Variants in ZNF385D observed in about 807,000 individuals in gnomAD.
ZNF385D encodes the protein zinc finger protein 659.
Under a neutral mutation model 35.8 loss-of-function variants are expected in ZNF385D, and 15 were observed. That is an observed-to-expected ratio of 0.42 (90% CI 0.28 to 0.64). The LOEUF (loss-of-function observed/expected upper bound fraction) is 0.64. Ranked by LOEUF, ZNF385D falls within the 30% of genes least tolerant of loss-of-function variation. ZNF385D has a pLI of 0.23. For missense variants in ZNF385D, 474 were observed against 494.6 expected (o/e 0.96, Z 0.39); for synonymous variants, 212 against 186.8 (o/e 1.13, Z -1.10).
chr3:22,110,634 G>C (rs999909179), intron 3 of ZNF385D, among the ~76,000 whole-genome samples: 1 of 151,662 alleles, frequency 6.6e-6, no homozygotes, highest in African/African-American at 2.4e-5. Flanking sequence ...TCCAGGGCCT[G>C]TTGTGGGGTG....
intron 1 of ZNF385D, among the ~76,000 whole-genome samples, chr3:21,697,931 TAAAAAGC>T (rs1348408443): frequency 6.6e-6 from 1 of 152,112 alleles, no homozygotes; most frequent in South Asian, 2.1e-4. Context: ...TGGCTATTAT[TAAAAAGC>T]AAAAAACCAA....
chr3:22,344,835 T>C (rs1417132505), intron 2 of ZNF385D, among the ~76,000 whole-genome samples: 1 of 152,228 alleles, frequency 6.6e-6, no homozygotes, highest in Non-Finnish European at 1.5e-5. Context: ...TTGTTCCCTT[T>C]TGTAGGTCTA....
intron 3 of ZNF385D, among the ~76,000 whole-genome samples, chr3:21,548,749 T>G (rs2062466424): frequency 6.6e-6 from 1 of 152,190 alleles, no homozygotes; most frequent in South Asian, 2.1e-4. Context: ...TATCAGCTGA[T>G]GTCAAGGCAA....
At chr3:22,318,042 AGT>A (rs1269247022) in intron 2 of ZNF385D, among the ~76,000 whole-genome samples, 1 of 151,628 alleles carries the variant, frequency 6.6e-6, no homozygotes, top group Non-Finnish European at 1.5e-5. Flanking sequence ...TGGGCGACAG[AGT>A]GAGACTCGGT....
chr3:21,880,186 T>A (rs893197093), intron 3 of ZNF385D, among the ~76,000 whole-genome samples: 34 of 151,974 alleles, frequency 2.2e-4, no homozygotes, highest in Admixed American at 5.9e-4. Flanking sequence ...AAAAGTGATC[T>A]AGATCAGTAG....
intron 3 of ZNF385D, among the ~76,000 whole-genome samples, chr3:21,837,752 G>C (rs1210090583): frequency 6.6e-6 from 1 of 151,758 alleles, no homozygotes; most frequent in African/African-American, 2.4e-5. Context: ...TGCGCCTGTA[G>C]TCCCAGCTAC....
chr3:22,198,758 G>A, intron 2 of ZNF385D, among the ~76,000 whole-genome samples: 1 of 152,000 alleles, frequency 6.6e-6, no homozygotes, highest in Non-Finnish European at 1.5e-5. Context: ...TTAAACAACT[G>A]AGTAAACAAC....
At chr3:21,701,695 A>C (rs543149746) in intron 1 of ZNF385D, among the ~76,000 whole-genome samples, 1 of 152,304 alleles carries the variant, frequency 6.6e-6, no homozygotes, top group African/African-American at 2.4e-5. Context: ...CAAGCTAGTT[A>C]CTTCCTAGAT....
chr3:22,263,264 C>T (rs721509), intron 2 of ZNF385D, among the ~76,000 whole-genome samples: 19,573 of 152,022 alleles, frequency 0.13, 2,210 homozygotes, highest in African/African-American at 0.3. Context: ...CAGTCACCTC[C>T]AGCAAAGCTG....
rs542605588 is a variant in ZNF385D, at chr3:21,469,520, AT to A, written c.440-32318del. On this transcript the variant is annotated intron_variant, in intron 4 of 7. Coordinates refer to ENST00000281523, the MANE Select transcript of ZNF385D (RefSeq NM_024697.3). ...GTTTAGGGAGTGCGAAAACAAGTGT[AT>A]TTTTTTCAACTATATTAATAAATAT... 3.0e-4 allele frequency among the ~76,000 whole-genome samples: 45 copies of A among 152,266 alleles called. 1 individual carries two copies. The South Asian group carries it at 8.7e-3, about 29-fold the overall frequency.
rs1002942136 is a variant in ZNF385D, at chr3:21,418,236, A to C, written c.*2978T>G. 2 of 152,190 alleles carry C rather than the reference A, an allele frequency of 1.3e-5. No homozygotes were observed. The highest frequency in any genetic ancestry group is 2.9e-5 in the Non-Finnish European group (2 of 68,006). The allele number at this position is 152,190 out of a possible 1,614,324, so 9.4% of individuals were successfully genotyped here. On this transcript the variant is annotated 3_prime_UTR_variant, in exon 8 of 8. Coordinates refer to ENST00000281523, the MANE Select transcript of ZNF385D (RefSeq NM_024697.3). The stretch of plus-strand genomic sequence containing the variant: ...GGAAGGAATGTAAAACCATAAAGTC[A>C]GACCACCCTCAGGGATTTTCACAGC...
chr3:22,090,789 C>T (rs768760462), intron 3 of ZNF385D, among the ~76,000 whole-genome samples: 3 of 152,142 alleles, frequency 2.0e-5, no homozygotes, highest in Admixed American at 6.6e-5. Flanking sequence ...CACTCTGAGG[C>T]CTCTGTACCA....
At chr3:21,675,102 T>C (rs941843395) in intron 1 of ZNF385D, among the ~76,000 whole-genome samples, 3 of 152,016 alleles carry the variant, frequency 2.0e-5, no homozygotes, top group Admixed American at 2.0e-4. Context: ...GAAAAGCGGA[T>C]TAAACTATCA....
At chr3:21,610,144 C>CAAAAA (rs10663615) in intron 2 of ZNF385D, among the ~76,000 whole-genome samples, 31 of 149,100 alleles carry the variant, frequency 2.1e-4, no homozygotes, top group East Asian at 6.0e-4. Flanking sequence ...TCGCATCTAC[C>CAAAAA]AAAAAAAAAA....
chr3:21,884,229 C>A (rs979760014), intron 3 of ZNF385D, among the ~76,000 whole-genome samples: 1 of 151,948 alleles, frequency 6.6e-6, no homozygotes, highest in East Asian at 1.9e-4. Context: ...TGAGAAATTC[C>A]TTTTCAACCC....
rs1696417526 is a variant in ZNF385D at position 22,196,400 on chromosome 3, ATTAT to A, written c.107-27369_107-27366del. ...AGAAGTAGGATTGTCACTTGATTAT[ATTAT>A]TTACATTTGAAAACACATATATTTG... is the stretch of plus-strand genomic sequence containing the variant. On this transcript the variant is annotated intron_variant, in intron 2 of 5. Transcript: ENST00000494108. Among the ~76,000 whole-genome samples the A allele has an allele frequency of 4.6e-5, 7 of 152,118 alleles. No homozygotes were observed. In the South Asian group the frequency reaches 1.0e-3, roughly 23 times the overall value.
intron 3 of ZNF385D, among the ~76,000 whole-genome samples, chr3:22,019,003 A>C (rs895437912): frequency 7.2e-5 from 8 of 110,634 alleles, no homozygotes; most frequent in East Asian, 2.4e-4. Context: ...CTTCTTTACC[A>C]CTTCCCAGTT....
chr3:22,350,970 G>A (rs1213969749), intron 2 of ZNF385D, among the ~76,000 whole-genome samples: 2 of 152,078 alleles, frequency 1.3e-5, no homozygotes, highest in Admixed American at 6.5e-5. Context: ...CTTACCTTAA[G>A]ATATCATAAT....
At chr3:21,901,493 T>TA (rs1291253934) in intron 3 of ZNF385D, among the ~76,000 whole-genome samples, 1 of 152,186 alleles carries the variant, frequency 6.6e-6, no homozygotes. Flanking sequence ...GTAGGATAGT[T>TA]ACAGGAGTAA....
Sources: allele counts gnomAD v4.1 joint callset (sites outside exome capture counted in the v4.1 genomes callset), GRCh38; gene constraint gnomAD v4.1.1; transcripts MANE v1.5; gene names NCBI Gene and HGNC (gene_info 2026-07-23, HGNC 2026-07-21).